Variants in SAXO3 observed in about 807,000 individuals in gnomAD.
SAXO3 encodes stabilizer of axonemal microtubules 3.
the SAXO3 span, chr19:49,019,477 C>T: frequency 2.4e-5 from 30 of 1,236,660 alleles, no homozygotes; most frequent in South Asian, 3.6e-5. Context: ...GTTTGTAGTC[C>T]CTGGTCCTTC....
the SAXO3 span, chr19:49,019,496 C>G: frequency 1.7e-6 from 2 of 1,168,616 alleles, no homozygotes; most frequent in Non-Finnish European, 2.1e-6. Context: ...TCTGGCCTGG[C>G]CTAATGCCCA....
chr19:49,018,941 G>A, the SAXO3 span: 3 of 1,534,426 alleles, frequency 2.0e-6, no homozygotes, highest in Non-Finnish European at 2.6e-6. Flanking sequence ...GGACGCCCCG[G>A]TCGGATACTG....
At chr19:49,018,249 G>A in the SAXO3 span, 3 of 891,894 alleles carry the variant, frequency 3.4e-6, no homozygotes, top group African/African-American at 3.5e-5. Flanking sequence ...GGACAGGGCG[G>A]CCGCTGCGGG....
the SAXO3 span, chr19:49,020,375 C>G: frequency 2.5e-6 from 1 of 404,070 alleles, no homozygotes; most frequent in Non-Finnish European, 4.4e-6. Flanking sequence ...GTCCGCTCAC[C>G]TGCACCGTGG....
the SAXO3 span, chr19:49,020,241 G>A: frequency 1.7e-5 from 8 of 468,624 alleles, no homozygotes; most frequent in Non-Finnish European, 2.2e-5. Flanking sequence ...CTTCCCTGGT[G>A]CCTCCTCTCT....
At chr19:49,019,948 G>T in the SAXO3 span, 5 of 1,505,824 alleles carry the variant, frequency 3.3e-6, no homozygotes, top group Non-Finnish European at 4.5e-6. Context: ...TCCGCGTGGG[G>T]TCTGCAGGCT....
the SAXO3 span, chr19:49,020,181 C>T: frequency 2.5e-5 from 13 of 520,484 alleles, no homozygotes; most frequent in Middle Eastern, 4.9e-4. Context: ...CAAACTCTGA[C>T]CTCTTCCAGT....
the SAXO3 span, chr19:49,018,222 G>C: frequency 1.6e-6 from 1 of 625,338 alleles, no homozygotes; most frequent in Non-Finnish European, 2.3e-6. Context: ...GGTGGTCGGG[G>C]CGGCCGGGAG....
At chr19:49,019,621 G>C in the SAXO3 span, 1 of 1,249,034 alleles carries the variant, frequency 8.0e-7, no homozygotes, top group Non-Finnish European at 1.0e-6. Context: ...GCCCCGTCTC[G>C]CCGGCGCCGG....
chr19:49,019,464 T>C, the SAXO3 span: 48 of 1,250,276 alleles, frequency 3.8e-5, no homozygotes, highest in Admixed American at 7.8e-5. Flanking sequence ...GCCCTGAAGG[T>C]GAGTTTGTAG....
chr19:49,019,741 T>C, the SAXO3 span: 1 of 1,190,160 alleles, frequency 8.4e-7, no homozygotes, highest in African/African-American at 1.6e-5. Flanking sequence ...AGAGCCAGTG[T>C]ACTGCGCCCT....
the SAXO3 span, chr19:49,020,006 T>G: frequency 6.7e-7 from 1 of 1,491,686 alleles, no homozygotes; most frequent in Non-Finnish European, 8.8e-7. Context: ...CTTGGGCACG[T>G]AGGCCGAGCC....
the SAXO3 span, chr19:49,018,894 C>T: frequency 6.5e-7 from 1 of 1,534,372 alleles, no homozygotes; most frequent in Non-Finnish European, 8.7e-7. Flanking sequence ...CCGAAAGTCC[C>T]GCGCCGAGGT....
chr19:49,018,023 T>C, the SAXO3 span: 16 of 398,516 alleles, frequency 4.0e-5, no homozygotes, highest in South Asian at 1.3e-4. Context: ...ACTGTAGGCT[T>C]TCGGCACGCT....
At chr19:49,020,251 T>G in the SAXO3 span, 1,068 of 464,920 alleles carry the variant, frequency 2.3e-3, 7 homozygotes, top group African/African-American at 0.02. Flanking sequence ...GCCTCCTCTC[T>G]CAGACCCAGA....
chr19:49,018,161 C>G, the SAXO3 span: 1 of 404,686 alleles, frequency 2.5e-6, no homozygotes, highest in Non-Finnish European at 4.3e-6. Context: ...CAGGGCTCCC[C>G]GGTGCGGCAT....
the SAXO3 span, chr19:49,018,884 C>T: frequency 6.5e-7 from 1 of 1,534,250 alleles, no homozygotes; most frequent in Non-Finnish European, 8.7e-7. Flanking sequence ...TGGGATAGAA[C>T]CGAAAGTCCC....
the SAXO3 span, chr19:49,018,951 G>A: frequency 4.6e-6 from 7 of 1,534,304 alleles, no homozygotes; most frequent in South Asian, 7.1e-5. Context: ...GTCGGATACT[G>A]TGAAAGGCCG....
the SAXO3 span, chr19:49,018,099 C>A: frequency 1.6e-4 from 65 of 399,078 alleles, no homozygotes; most frequent in Non-Finnish European, 2.6e-4. Flanking sequence ...CAGAAGCGGT[C>A]GAGCCGCCGG....
Sources: allele counts gnomAD v4.1 joint callset, GRCh38; gene constraint gnomAD v4.1.1; transcripts MANE v1.5; gene names NCBI Gene and HGNC (gene_info 2026-07-23, HGNC 2026-07-21).